MACROD2: variants seen among roughly 807,000 people sequenced by gnomAD.
MACROD2 encodes mono-ADP ribosylhydrolase 2, also known as ADP-ribose glycohydrolase MACROD2.
A neutral mutation model predicts 70.4 loss-of-function variants in MACROD2; 36 were observed. That is an observed-to-expected ratio of 0.51 (90% CI 0.39 to 0.68). The LOEUF is 0.68. Among genes scored for constraint, MACROD2 ranks in the 30% least tolerant of loss-of-function variants. The pLI, the probability that MACROD2 is intolerant of heterozygous loss-of-function variation, is 0.00. For synonymous variants in MACROD2, 172 were observed against 178.8 expected, an observed-to-expected ratio of 0.96 and a Z score of 0.30; for missense variants, 496 against 538.4, an observed-to-expected ratio of 0.92 and a Z score of 0.78.
chr20:15,557,335 A>G (rs1407311166), intron 8 of MACROD2, among the ~76,000 whole-genome samples: 1 of 152,156 alleles, frequency 6.6e-6, no homozygotes, highest in Non-Finnish European at 1.5e-5. Context: ...TCATTCTTTG[A>G]TTAGGTAGTT....
chr20:15,082,657 A>T (rs1488089963), intron 5 of MACROD2, among the ~76,000 whole-genome samples: 3 of 151,326 alleles, frequency 2.0e-5, no homozygotes, highest in African/African-American at 7.3e-5. Context: ...TGGGAATTAG[A>T]CTTCAATAGT....
intron 6 of MACROD2, among the ~76,000 whole-genome samples, chr20:15,284,117 ATTGTAACTT>A (rs1470356028): frequency 6.6e-6 from 1 of 152,178 alleles, no homozygotes; most frequent in African/African-American, 2.4e-5. Flanking sequence ...TCATTTTTAA[ATTGTAACTT>A]TTTTACATAG....
chr20:14,945,231 C>T (rs2074421889), intron 5 of MACROD2, among the ~76,000 whole-genome samples: 1 of 151,938 alleles, frequency 6.6e-6, no homozygotes, highest in Non-Finnish European at 1.5e-5. Context: ...GATTCTCCTG[C>T]CTCAGCCTCC....
chr20:15,634,925 G>A (rs2049341765), intron 8 of MACROD2, among the ~76,000 whole-genome samples: 1 of 152,238 alleles, frequency 6.6e-6, no homozygotes, highest in Non-Finnish European at 1.5e-5. Context: ...TGGTGAAGAT[G>A]GCTGCAGAAA....
At chr20:15,112,950 C>CTCTGTGTGTGTGTGTG in intron 5 of MACROD2, among the ~76,000 whole-genome samples, 1 of 146,112 alleles carries the variant, frequency 6.8e-6, no homozygotes, top group South Asian at 2.2e-4. Context: ...TAATATTTCA[C>CTCTGTGTGTGTGTGTG]TGTGTGTGTG....
At position 14,382,184 on chromosome 20, in the gene MACROD2, C is replaced by T. The variant is rs1489882555; in HGVS notation, c.272-111295C>T. Among the ~76,000 whole-genome samples the T allele has an allele frequency of 2.6e-5, 4 of 151,482 alleles. No individual in the cohort carries two copies. The East Asian group carries it at 7.9e-4, about 30-fold the overall frequency. ...TCACGCCATTCTTCTGCCTCAGACTCCCGAGTAGCTGGGACTGCAGGCATC... is the reference window on the plus strand; with the variant it reads ...TCACGCCATTCTTCTGCCTCAGACTTCCGAGTAGCTGGGACTGCAGGCATC... On this transcript the variant is annotated intron_variant, in intron 3 of 17. Coordinates refer to ENST00000684519, the MANE Select transcript of MACROD2 (RefSeq NM_001351661.2).
At chr20:15,355,626 C>T (rs1252338470) in intron 6 of MACROD2, among the ~76,000 whole-genome samples, 1 of 152,126 alleles carries the variant, frequency 6.6e-6, no homozygotes, top group African/African-American at 2.4e-5. Context: ...TAGGCTGGTC[C>T]AAAGTTTCAA....
intron 15 of MACROD2, among the ~76,000 whole-genome samples, chr20:15,994,032 T>G (rs1245587554): frequency 6.6e-6 from 1 of 152,140 alleles, no homozygotes; most frequent in East Asian, 1.9e-4. Flanking sequence ...CTTAGACAAT[T>G]TTTCTTGACA....
chr20:15,171,582 T>C (rs1010659211), intron 5 of MACROD2, among the ~76,000 whole-genome samples: 7 of 152,136 alleles, frequency 4.6e-5, no homozygotes, highest in African/African-American at 1.4e-4. Context: ...TTGTACTTTC[T>C]TTAGCCCTTA....
chr20:15,086,956 C>T (rs1275535078), intron 5 of MACROD2, among the ~76,000 whole-genome samples: 2 of 152,200 alleles, frequency 1.3e-5, no homozygotes, highest in East Asian at 3.9e-4. Context: ...ATGTCCTTCT[C>T]CTGAATTCCT....
chr20:14,519,400 G>A (rs2085139824), intron 4 of MACROD2, among the ~76,000 whole-genome samples: 1 of 151,992 alleles, frequency 6.6e-6, no homozygotes, highest in Admixed American at 6.6e-5. Flanking sequence ...CACAAACTAG[G>A]GGGAAAAGGA....
At chr20:14,792,177 GTT>G (rs2072458657) in intron 5 of MACROD2, among the ~76,000 whole-genome samples, 1 of 151,718 alleles carries the variant, frequency 6.6e-6, no homozygotes, top group African/African-American at 2.4e-5. Flanking sequence ...GGCGGCCACT[GTT>G]TCTCTTTTTA....
At chr20:15,560,694 C>T (rs912371655) in intron 8 of MACROD2, among the ~76,000 whole-genome samples, 1 of 132,488 alleles carries the variant, frequency 7.5e-6, no homozygotes, top group East Asian at 2.2e-4. Flanking sequence ...ATCTGGAAGG[C>T]AGAGGTTGCA....
At chr20:15,384,483 A>T (rs1253478992) in intron 6 of MACROD2, among the ~76,000 whole-genome samples, 1 of 152,116 alleles carries the variant, frequency 6.6e-6, no homozygotes, top group Non-Finnish European at 1.5e-5. Flanking sequence ...AGGCTGAATT[A>T]AAAATATTTC....
chr20:14,497,582 C>A (rs2084868520), intron 4 of MACROD2, among the ~76,000 whole-genome samples: 1 of 151,504 alleles, frequency 6.6e-6, no homozygotes, highest in Non-Finnish European at 1.5e-5. Flanking sequence ...AAAACTAGAA[C>A]CTGCTGATAG....
chr20:14,661,152 A>G (rs941926468), intron 4 of MACROD2, among the ~76,000 whole-genome samples: 13 of 152,030 alleles, frequency 8.6e-5, no homozygotes, highest in African/African-American at 2.9e-4. Context: ...GGCTGAACTA[A>G]TTTGCACTCC....
rs539852314 is a variant in MACROD2, at chr20:14,390,245, G to C, written c.272-103234G>C. On this transcript the variant is annotated intron_variant, in intron 3 of 17. Transcript: ENST00000684519. ...TAAACCATTGCTCAAAGAAATCAGA[G>C]ATGACACGAACAAATGGGAAAATAT... Among the ~76,000 whole-genome samples, 67 of 152,268 alleles carry C rather than the reference G, an allele frequency of 4.4e-4. 1 individual carries two copies. The Middle Eastern group carries it at 0.014, about 31-fold the overall frequency.
intron 5 of MACROD2, among the ~76,000 whole-genome samples, chr20:14,902,657 A>C (rs1190405561): frequency 6.6e-6 from 1 of 152,164 alleles, no homozygotes; most frequent in Non-Finnish European, 1.5e-5. Flanking sequence ...CAGGGTGGTC[A>C]GGACGTGCTG....
intron 5 of MACROD2, among the ~76,000 whole-genome samples, chr20:15,045,744 T>TTTTTTTCC (rs11482249): frequency 2.2e-5 from 3 of 134,662 alleles, no homozygotes; most frequent in African/African-American, 3.1e-5. Context: ...TTTTTTTTTT[T>TTTTTTTCC]CCCTTTCTGA....
Sources: gnomAD v4.1 joint callset for allele counts (sites outside exome capture counted in the v4.1 genomes callset) on GRCh38, gnomAD v4.1.1 for gene constraint, MANE v1.5 for transcripts, NCBI Gene and HGNC (gene_info 2026-07-23, HGNC 2026-07-21) for gene names.